The following RGS5 variants were observed in gnomAD, a reference collection of about 807,000 sequenced individuals.
RGS5 encodes the protein regulator of G-protein signalling 5.
In RGS5, 20 loss-of-function variants were observed where a neutral mutation model predicts 18.9. That is an observed-to-expected ratio of 1.06 (90% CI 0.74 to 1.54). The LOEUF (loss-of-function observed/expected upper bound fraction) is 1.54, where lower values mean the gene tolerates loss of function less well. RGS5 is among the 40% of genes most tolerant of loss of function. RGS5 has a pLI of 0.00. For missense variants in RGS5, 201 were observed against 211.8 expected (o/e 0.95, Z 0.32); for synonymous variants, 57 against 76.2 (o/e 0.75, Z 1.31).
chr1:163,277,771 G>T (rs1403339957), intron 2 of RGS5, among the ~76,000 whole-genome samples: 1 of 151,940 alleles, frequency 6.6e-6, no homozygotes, highest in Non-Finnish European at 1.5e-5. Flanking sequence ...ATAATTCAAA[G>T]AAATCAAGGA....
chr1:163,235,170 T>C (rs771782654), intron 2 of RGS5, among the ~76,000 whole-genome samples: 6 of 152,326 alleles, frequency 3.9e-5, no homozygotes, highest in Admixed American at 6.5e-5. Flanking sequence ...ATATCCCTTC[T>C]ACATTCTCAT....
At chr1:163,193,230 G>T (rs777844214) in intron 1 of RGS5, among the ~76,000 whole-genome samples, 1 of 152,128 alleles carries the variant, frequency 6.6e-6, no homozygotes, top group Non-Finnish European at 1.5e-5. Context: ...TTTGAGCAGC[G>T]CCTGGGGAAA....
intron 3 of RGS5, among the ~76,000 whole-genome samples, chr1:163,160,541 C>T (rs950138654): frequency 1.3e-5 from 2 of 152,090 alleles, no homozygotes; most frequent in African/African-American, 4.8e-5. Context: ...GAGAGAGAAT[C>T]AGAAATGAAT....
At chr1:163,197,042 C>G (rs1571277638) in intron 1 of RGS5, among the ~76,000 whole-genome samples, 1 of 152,098 alleles carries the variant, frequency 6.6e-6, no homozygotes, top group South Asian at 2.1e-4. Flanking sequence ...GACTATCTTT[C>G]CCCTGAATAA....
At chr1:163,255,064 T>C (rs1369331284) in intron 2 of RGS5, among the ~76,000 whole-genome samples, 1 of 152,224 alleles carries the variant, frequency 6.6e-6, no homozygotes, top group Non-Finnish European at 1.5e-5. Flanking sequence ...TGTAGTATAG[T>C]TTGAAGTCAG....
intron 4 of RGS5, among the ~76,000 whole-genome samples, chr1:163,147,982 G>A (rs1369051779): frequency 7.4e-6 from 1 of 135,924 alleles, no homozygotes; most frequent in Admixed American, 8.4e-5. Flanking sequence ...AGGCTGGAGT[G>A]CAGTGGCGCC....
At chr1:163,318,874 T>C (rs1036971211) in intron 1 of RGS5, 2 of 152,204 alleles carry the variant, frequency 1.3e-5, no homozygotes, top group East Asian at 1.9e-4. Context: ...ATATGTGGCA[T>C]TGACAGAAGT....
chr1:163,295,165 C>T (rs1206221973), intron 2 of RGS5, among the ~76,000 whole-genome samples: 1 of 152,202 alleles, frequency 6.6e-6, no homozygotes, highest in African/African-American at 2.4e-5. Flanking sequence ...TCCAAAGTCA[C>T]TTCCACATTC....
chr1:163,156,582 T>C (rs1657589608), intron 3 of RGS5, among the ~76,000 whole-genome samples: 1 of 152,184 alleles, frequency 6.6e-6, no homozygotes, highest in Non-Finnish European at 1.5e-5. Flanking sequence ...ATGTTTCACC[T>C]GTTTGCCTCT....
At chr1:163,223,047 G>C (rs1184334551) in intron 2 of RGS5, among the ~76,000 whole-genome samples, 2 of 143,626 alleles carry the variant, frequency 1.4e-5, no homozygotes, top group Non-Finnish European at 3.0e-5. Flanking sequence ...GTTTTACCAT[G>C]TTGGTCAGGC....
intron 1 of RGS5, among the ~76,000 whole-genome samples, chr1:163,190,975 G>T (rs1213400129): frequency 6.7e-6 from 1 of 148,268 alleles, no homozygotes; most frequent in Non-Finnish European, 1.5e-5. Flanking sequence ...GGTTTGAAAG[G>T]TGATTGGATC....
upstream of RGS5, among the ~76,000 whole-genome samples, chr1:163,220,555 T>C (rs1288097477): frequency 6.6e-6 from 1 of 152,220 alleles, no homozygotes; most frequent in Non-Finnish European, 1.5e-5. Flanking sequence ...ACTTAGTCCA[T>C]CTGATATTTC....
intron 2 of RGS5, among the ~76,000 whole-genome samples, chr1:163,255,321 C>T (rs183259233): frequency 1.3e-5 from 2 of 152,206 alleles, no homozygotes; most frequent in South Asian, 2.1e-4. Flanking sequence ...TCTTTTATTT[C>T]GTTGATCAGT....
Position 163,147,320 on chromosome 1 carries a change from A to C in RGS5, c.*22T>G. On this transcript the variant is annotated 3_prime_UTR_variant, in exon 5 of 5. Transcript: ENST00000313961. The stretch of plus-strand genomic sequence containing the variant: ...TATGGAGGAAATAACTCACAGGATG[A>C]TTTCATAGCCTGGCTAAATTACTAC... The C allele has an allele frequency of 6.4e-7, 1 of 1,564,650 alleles. No individual in the cohort carries two copies. The highest frequency in any genetic ancestry group is 8.6e-7 in the Non-Finnish European group (1 of 1,158,668).
chr1:163,283,673 C>T (rs1649058121), intron 2 of RGS5, among the ~76,000 whole-genome samples: 3 of 152,128 alleles, frequency 2.0e-5, no homozygotes, highest in Non-Finnish European at 4.4e-5. Flanking sequence ...TTCCAGCAGG[C>T]TCACTCTAGA....
chr1:163,303,819 GTGAACCCTAT>G (rs1266276456), intron 2 of RGS5, among the ~76,000 whole-genome samples: 1 of 152,138 alleles, frequency 6.6e-6, no homozygotes, highest in Non-Finnish European at 1.5e-5. Context: ...TCAAAGGAGT[GTGAACCCTAT>G]TGCAAACTGC....
At chr1:163,257,169 G>A (rs980090571) in intron 2 of RGS5, among the ~76,000 whole-genome samples, 2 of 152,064 alleles carry the variant, frequency 1.3e-5, no homozygotes, top group Admixed American at 1.3e-4. Context: ...TAAAGAAGTA[G>A]TTATTAAAGA....
intron 1 of RGS5, among the ~76,000 whole-genome samples, chr1:163,311,999 A>G (rs1649879291): frequency 6.6e-6 from 1 of 152,206 alleles, no homozygotes; most frequent in South Asian, 2.1e-4. Flanking sequence ...CTTATATATA[A>G]TTGATATGGT....
intron 2 of RGS5, among the ~76,000 whole-genome samples, chr1:163,246,698 C>G (rs1266655433): frequency 6.6e-6 from 1 of 152,226 alleles, no homozygotes; most frequent in Non-Finnish European, 1.5e-5. Context: ...ACAAAACCCA[C>G]TTGTGTCTGC....
Sources: allele counts gnomAD v4.1 joint callset (sites outside exome capture counted in the v4.1 genomes callset), GRCh38; gene constraint gnomAD v4.1.1; transcripts MANE v1.5; gene names NCBI Gene and HGNC (gene_info 2026-07-23, HGNC 2026-07-21).